Variants in WWP2 observed in about 807,000 individuals in gnomAD.
The protein encoded by WWP2 is WW domain containing E3 ubiquitin protein ligase 2.
A neutral mutation model predicts 121.0 loss-of-function variants in WWP2; 57 were observed. The observed-to-expected ratio is 0.47, with a 90% CI of 0.38 to 0.59. The LOEUF is 0.59. Ranked by LOEUF, WWP2 falls within the 20% of genes least tolerant of loss-of-function variation. The pLI is 0.00. For synonymous variants in WWP2, 449 were observed against 441.3 expected, an observed-to-expected ratio of 1.02 and a Z score of -0.22; for missense variants, 962 against 1,158.9, an observed-to-expected ratio of 0.83 and a Z score of 2.47.
At chr16:69,881,204 C>A (rs2057822861) in intron 7 of WWP2, among the ~76,000 whole-genome samples, 1 of 152,036 alleles carries the variant, frequency 6.6e-6, no homozygotes, top group South Asian at 2.1e-4. Context: ...CCTACTTTTC[C>A]TCCCATTTGG....
At chr16:69,864,878 T>C (rs1390691971) in intron 6 of WWP2, among the ~76,000 whole-genome samples, 4 of 149,140 alleles carry the variant, frequency 2.7e-5, no homozygotes, top group East Asian at 2.1e-4. Flanking sequence ...TCCCAAAGTG[T>C]TGGGGTTACA....
At chr16:69,808,171 A>G (rs910112153) in intron 4 of WWP2, among the ~76,000 whole-genome samples, 1 of 152,084 alleles carries the variant, frequency 6.6e-6, no homozygotes, top group Non-Finnish European at 1.5e-5. Context: ...ATTGAATTTC[A>G]TATTAGTGAG....
chr16:69,875,490 G>T (rs931551625), intron 7 of WWP2, among the ~76,000 whole-genome samples: 1 of 152,156 alleles, frequency 6.6e-6, no homozygotes, highest in Non-Finnish European at 1.5e-5. Context: ...AGCATGCGAC[G>T]CTGTTTGACA....
At chr16:69,869,889 C>T (rs1490466250) in intron 6 of WWP2, among the ~76,000 whole-genome samples, 1 of 152,160 alleles carries the variant, frequency 6.6e-6, no homozygotes, top group African/African-American at 2.4e-5. Context: ...ACCAAAGACT[C>T]CCAGCAGGGT....
At chr16:69,798,517 T>C (rs1347188821) in intron 2 of WWP2, among the ~76,000 whole-genome samples, 165 bp from the exon 3 acceptor site, 1 of 151,870 alleles carries the variant, frequency 6.6e-6, no homozygotes, top group Non-Finnish European at 1.5e-5. Context: ...TTTTTTTTGG[T>C]GTGTGTACTC....
chr16:69,923,861 T>C (rs537749554), intron 10 of WWP2, among the ~76,000 whole-genome samples: 2 of 152,304 alleles, frequency 1.3e-5, no homozygotes, highest in African/African-American at 4.8e-5. Flanking sequence ...AAAACAGAGT[T>C]GGAGGAACTT....
At chr16:69,868,543 G>T (rs1050805274) in intron 6 of WWP2, among the ~76,000 whole-genome samples, 24 of 152,140 alleles carry the variant, frequency 1.6e-4, no homozygotes, top group South Asian at 4.1e-4. Flanking sequence ...GCTCCTGGGG[G>T]CTGCAAGTTC....
At chr16:69,821,143 T>C (rs1162868987) in intron 4 of WWP2, among the ~76,000 whole-genome samples, 1 of 152,170 alleles carries the variant, frequency 6.6e-6, no homozygotes, top group Non-Finnish European at 1.5e-5. Flanking sequence ...TCTTTAGCGG[T>C]CTCTGAAAAG....
chr16:69,858,719 A>G (rs1036938117), intron 6 of WWP2, among the ~76,000 whole-genome samples: 2 of 152,226 alleles, frequency 1.3e-5, no homozygotes, highest in African/African-American at 4.8e-5. Context: ...TGACACATAA[A>G]TAAGTCTTGT....
intron 4 of WWP2, among the ~76,000 whole-genome samples, chr16:69,803,196 T>C (rs965356665): frequency 6.6e-6 from 1 of 152,074 alleles, no homozygotes; most frequent in Non-Finnish European, 1.5e-5. Context: ...TATTTTTTAC[T>C]TTTTTGCTCT....
At chr16:69,876,186 G>C (rs2057732285) in intron 7 of WWP2, among the ~76,000 whole-genome samples, 1 of 152,116 alleles carries the variant, frequency 6.6e-6, no homozygotes, top group Non-Finnish European at 1.5e-5. Flanking sequence ...TTGAACTCCT[G>C]ACCTCAGGTG....
intron 8 of WWP2, among the ~76,000 whole-genome samples, chr16:69,902,979 G>A (rs535861159): frequency 2.0e-5 from 3 of 152,254 alleles, no homozygotes; most frequent in South Asian, 2.1e-4. Flanking sequence ...GGGAGGACCC[G>A]CAGGGACATT....
At chr16:69,816,460 A>G (rs926694731) in intron 4 of WWP2, among the ~76,000 whole-genome samples, 6 of 148,122 alleles carry the variant, frequency 4.1e-5, no homozygotes, top group African/African-American at 1.5e-4. Context: ...TATATAATAT[A>G]TATAAATATA....
intron 6 of WWP2, among the ~76,000 whole-genome samples, chr16:69,844,460 A>G (rs1567699224): frequency 6.6e-6 from 1 of 152,192 alleles, no homozygotes; most frequent in Non-Finnish European, 1.5e-5. Flanking sequence ...GTTTGTCTCA[A>G]ACACACCCAT....
chr16:69,908,732 C>G, intron 8 of WWP2, 29 bp from the exon 9 acceptor site: 1 of 1,613,648 alleles, frequency 6.2e-7, no homozygotes, highest in East Asian at 2.2e-5. Flanking sequence ...CACTGTGTGT[C>G]TCATGCTACC....
chr16:69,799,815 A>G lies in WWP2; in HGVS notation c.340+520A>G, dbSNP rs2056123814. Among the ~76,000 whole-genome samples the G allele has an allele frequency of 6.6e-6, 1 of 152,136 alleles. No individual in the cohort carries two copies. Among genetic ancestry groups the G allele is most frequent in the Non-Finnish European group, 1.5e-5 (1 of 68,022 alleles). On this transcript the variant is annotated intron_variant, in intron 4 of 23. Transcript: ENST00000359154. This position sits in a 1 kb window ranked among gnomAD's most constrained non-coding sequence, Gnocchi z 4.5. ...TTTACTGGATGTTGGAACGTGATGGACGCGCCATCTGAATTAGCCAACGTG... is the reference window on the plus strand; with the variant it reads ...TTTACTGGATGTTGGAACGTGATGGGCGCGCCATCTGAATTAGCCAACGTG...
At chr16:69,939,600 T>G (rs1269588286) in intron 23 of WWP2, among the ~76,000 whole-genome samples, 187 bp downstream of exon 23, 1 of 152,126 alleles carries the variant, frequency 6.6e-6, no homozygotes, top group Admixed American at 6.5e-5. Flanking sequence ...ATGAAGCACT[T>G]CTGTTCCAGT....
At chr16:69,853,097 G>A (rs1347925495) in intron 6 of WWP2, among the ~76,000 whole-genome samples, 1 of 152,198 alleles carries the variant, frequency 6.6e-6, no homozygotes, top group African/African-American at 2.4e-5. Flanking sequence ...CAATGGTAAG[G>A]CTATTTCTGC....
chr16:69,777,617 A>G (rs1234304585), intron 1 of WWP2, among the ~76,000 whole-genome samples: 2 of 151,930 alleles, frequency 1.3e-5, no homozygotes, highest in African/African-American at 4.8e-5. Flanking sequence ...TTCTTTTAAA[A>G]AAATCTTTTT....
Sources: gnomAD v4.1 joint callset for allele counts (sites outside exome capture counted in the v4.1 genomes callset) on GRCh38, gnomAD v4.1.1 for gene constraint, Gnocchi (gnomAD v3.1) non-coding constraint, MANE v1.5 for transcripts, NCBI Gene and HGNC (gene_info 2026-07-23, HGNC 2026-07-21) for gene names.